CENPP: variants seen among roughly 807,000 people sequenced by gnomAD.
CENPP encodes centromere protein P.
CENPP carries 24 observed loss-of-function variants against 35.6 expected under a neutral mutation model. The ratio of observed to expected loss-of-function variants is 0.67; its 90% CI spans 0.49 to 0.95. The LOEUF (loss-of-function observed/expected upper bound fraction) is 0.95. Among genes scored for constraint, CENPP ranks in the 40% least tolerant of loss-of-function variants. The pLI is 0.00. For synonymous variants in CENPP, 120 were observed against 125.5 expected (o/e 0.96, Z 0.29); for missense variants, 332 against 345.3 (o/e 0.96, Z 0.31).
intron 5 of CENPP, chr9:92,539,276 C>T (rs1172170807): frequency 6.6e-6 from 1 of 152,160 alleles, no homozygotes; most frequent in Non-Finnish European, 1.5e-5. Flanking sequence ...CCGGAGGTGA[C>T]TTTCATGTTG....
intron 5 of CENPP, chr9:92,384,096 A>G (rs1588077792): frequency 6.6e-6 from 1 of 152,226 alleles, no homozygotes; most frequent in East Asian, 1.9e-4. Flanking sequence ...GGTTTAAGTC[A>G]GGGAAATGAG....
chr9:92,419,828 G>A (rs1843732267), intron 5 of CENPP, among the ~76,000 whole-genome samples: 1 of 152,064 alleles, frequency 6.6e-6, no homozygotes, highest in African/African-American at 2.4e-5. Flanking sequence ...TGCATATAAT[G>A]AAATGACTTA....
chr9:92,524,125 G>T (rs1407247877), intron 5 of CENPP, among the ~76,000 whole-genome samples: 1 of 152,154 alleles, frequency 6.6e-6, no homozygotes, highest in African/African-American at 2.4e-5. Flanking sequence ...TGTGACTGAT[G>T]TAATCCACAA....
chr9:92,538,955 G>A (rs1849252392), intron 5 of CENPP: 2 of 151,966 alleles, frequency 1.3e-5, no homozygotes, highest in Admixed American at 6.6e-5. Flanking sequence ...TTTTTTTTAA[G>A]GATGCAATTG....
At chr9:92,418,826 G>A (rs1457411927) in intron 5 of CENPP, among the ~76,000 whole-genome samples, 1 of 152,120 alleles carries the variant, frequency 6.6e-6, no homozygotes, top group Non-Finnish European at 1.5e-5. Context: ...TCATGAAACA[G>A]TTTCCAGAAT....
At chr9:92,496,232 G>T in intron 5 of CENPP, 1 of 1,495,580 alleles carries the variant, frequency 6.7e-7, no homozygotes, top group Non-Finnish European at 8.8e-7. Context: ...ATAACAGGAG[G>T]ATTATGTCTC....
intron 4 of CENPP, among the ~76,000 whole-genome samples, chr9:92,373,422 T>C (rs919401831): frequency 7.2e-5 from 11 of 152,212 alleles, no homozygotes; most frequent in African/African-American, 2.7e-4. Flanking sequence ...TTTGTTTTGT[T>C]CTTTTAAAAA....
intron 5 of CENPP, among the ~76,000 whole-genome samples, chr9:92,405,014 A>G: frequency 6.6e-6 from 1 of 152,116 alleles, no homozygotes; most frequent in South Asian, 2.1e-4. Context: ...AGTGTAATAT[A>G]TTTTTCCAGT....
At chr9:92,351,769 C>A (rs1841451308) in intron 4 of CENPP, among the ~76,000 whole-genome samples, 1 of 151,860 alleles carries the variant, frequency 6.6e-6, no homozygotes, top group South Asian at 2.1e-4. Flanking sequence ...GGATTACAGG[C>A]ACCCGCTACC....
At chr9:92,567,029 A>G (rs1180781291) in intron 5 of CENPP, among the ~76,000 whole-genome samples, 1 of 152,164 alleles carries the variant, frequency 6.6e-6, no homozygotes, top group East Asian at 1.9e-4. Flanking sequence ...AAAGGAAACA[A>G]AAGAATACAG....
chr9:92,408,424 T>G (rs1014880438), intron 5 of CENPP, among the ~76,000 whole-genome samples: 16 of 152,158 alleles, frequency 1.1e-4, no homozygotes, highest in Admixed American at 2.0e-4. Flanking sequence ...GATCTCGTGA[T>G]TTGCCCGCCT....
intron 5 of CENPP, among the ~76,000 whole-genome samples, chr9:92,488,546 A>G (rs751528213): frequency 2.0e-5 from 3 of 152,208 alleles, no homozygotes; most frequent in Non-Finnish European, 4.4e-5. Flanking sequence ...TAAGGGGTCC[A>G]TCCTTCAAAT....
At chr9:92,382,318 G>GCATGTATGGTATGGTAATGT (rs1162194008) in intron 5 of CENPP, among the ~76,000 whole-genome samples, 1 of 152,084 alleles carries the variant, frequency 6.6e-6, no homozygotes, top group Non-Finnish European at 1.5e-5. Flanking sequence ...ATAGTGATCA[G>GCATGTATGGTATGGTAATGT]ATCAGGGTAA....
At chr9:92,384,727 G>A (rs1842356377) in intron 5 of CENPP, 1 of 151,934 alleles carries the variant, frequency 6.6e-6, no homozygotes, top group Non-Finnish European at 1.5e-5. Flanking sequence ...AGAATATTCT[G>A]TTTTCATCTT....
intron 5 of CENPP, among the ~76,000 whole-genome samples, chr9:92,508,723 G>A (rs1409786544): frequency 6.6e-6 from 1 of 152,120 alleles, no homozygotes. Flanking sequence ...CTAATCCTCA[G>A]ATTTGGCAAT....
At chr9:92,481,492 A>T (rs1287788528) in intron 5 of CENPP, among the ~76,000 whole-genome samples, 2 of 152,190 alleles carry the variant, frequency 1.3e-5, no homozygotes, top group Non-Finnish European at 2.9e-5. Flanking sequence ...ACCTCTGAAT[A>T]GATTAACATG....
At chr9:92,358,261 T>G (rs1588056890) in intron 4 of CENPP, among the ~76,000 whole-genome samples, 1 of 151,972 alleles carries the variant, frequency 6.6e-6, no homozygotes. Context: ...TTTTTTCTTT[T>G]TAATGGAGTT....
At chr9:92,519,120 C>T (rs552284527) in intron 5 of CENPP, among the ~76,000 whole-genome samples, 4 of 152,266 alleles carry the variant, frequency 2.6e-5, no homozygotes, top group Non-Finnish European at 4.4e-5. Flanking sequence ...ACATTAGTCC[C>T]CTCCTTTCCC....
At chr9:92,482,893 A>G (rs1478985620) in intron 5 of CENPP, among the ~76,000 whole-genome samples, 1 of 151,934 alleles carries the variant, frequency 6.6e-6, no homozygotes, top group Non-Finnish European at 1.5e-5. Flanking sequence ...CTATTGCATT[A>G]TGCATACTTC....
Sources: allele counts gnomAD v4.1 joint callset (sites outside exome capture counted in the v4.1 genomes callset), GRCh38; gene constraint gnomAD v4.1.1; transcripts MANE v1.5; gene names NCBI Gene and HGNC (gene_info 2026-07-23, HGNC 2026-07-21).